The following RGS22 variants were observed in gnomAD, a reference collection of about 807,000 sequenced individuals.
The protein encoded by RGS22 is regulator of G protein signaling 22, also known as regulator of G-protein signaling 22.
RGS22 carries 148 observed loss-of-function variants against 172.9 expected under a neutral mutation model. The observed-to-expected ratio is 0.86, with a 90% CI of 0.75 to 0.98. The LOEUF is 0.98. RGS22 is among the 50% of genes least tolerant of loss of function. RGS22 has a pLI of 0.00. For synonymous variants in RGS22, 458 were observed against 480.2 expected (o/e 0.95, Z 0.60); for missense variants, 1,347 against 1,440.8 (o/e 0.93, Z 1.05).
chr8:100,052,336 C>G (rs1821749249), intron 10 of RGS22, among the ~76,000 whole-genome samples: 1 of 146,910 alleles, frequency 6.8e-6, no homozygotes, highest in African/African-American at 2.5e-5. Flanking sequence ...GAGTCTCGCT[C>G]TGTCCCCCAG....
intron 14 of RGS22, among the ~76,000 whole-genome samples, chr8:100,017,797 T>G (rs1194458329): frequency 6.6e-6 from 1 of 152,178 alleles, no homozygotes; most frequent in African/African-American, 2.4e-5. Context: ...TTAGAAACAT[T>G]GTTTAAATAT....
At chr8:100,019,665 A>G (rs189779135) in intron 14 of RGS22, among the ~76,000 whole-genome samples, 1 of 152,222 alleles carries the variant, frequency 6.6e-6, no homozygotes, top group Admixed American at 6.5e-5. Flanking sequence ...TCCAGAGATT[A>G]GGAGAAAACA....
At chr8:100,081,219 T>C (rs1220574796) in intron 3 of RGS22, among the ~76,000 whole-genome samples, 1 of 152,066 alleles carries the variant, frequency 6.6e-6, no homozygotes, top group African/African-American at 2.4e-5. Context: ...TTCTTCCCCT[T>C]GGATCAGTAA....
chr8:100,029,978 A>C (rs994250563), intron 14 of RGS22, among the ~76,000 whole-genome samples: 1 of 152,214 alleles, frequency 6.6e-6, no homozygotes, highest in African/African-American at 2.4e-5. Context: ...ATGAACTGAA[A>C]AACAGTACAA....
At chr8:100,077,319 T>C (rs759043925) in intron 4 of RGS22, among the ~76,000 whole-genome samples, 9 of 152,196 alleles carry the variant, frequency 5.9e-5, no homozygotes, top group Non-Finnish European at 7.4e-5. Context: ...TAGTTTCTCA[T>C]AGTGACAAGT....
At chr8:100,002,036 T>G (rs1452585344) in intron 18 of RGS22, among the ~76,000 whole-genome samples, 166 bp downstream of exon 18, 1 of 152,204 alleles carries the variant, frequency 6.6e-6, no homozygotes, top group Non-Finnish European at 1.5e-5. Flanking sequence ...TAAAGACATT[T>G]AATTTATAGA....
At chr8:99,965,962 G>T (rs1351198999) in intron 23 of RGS22, among the ~76,000 whole-genome samples, 1 of 152,096 alleles carries the variant, frequency 6.6e-6, no homozygotes. Context: ...CACATAGTAT[G>T]CACTCAAATA....
chr8:100,104,713 T>C (rs1430598492), intron 2 of RGS22, among the ~76,000 whole-genome samples: 1 of 152,152 alleles, frequency 6.6e-6, no homozygotes, highest in Non-Finnish European at 1.5e-5. Flanking sequence ...GAGAAGTAAG[T>C]GCTGGAAGAC....
intron 23 of RGS22, among the ~76,000 whole-genome samples, chr8:99,977,046 C>G (rs1812033000): frequency 6.6e-6 from 1 of 151,930 alleles, no homozygotes; most frequent in African/African-American, 2.4e-5. Flanking sequence ...AGATAGTAGA[C>G]AAATAGGGAG....
chr8:100,012,573 G>A (rs1397848003), intron 14 of RGS22, among the ~76,000 whole-genome samples: 3 of 151,842 alleles, frequency 2.0e-5, no homozygotes, highest in African/African-American at 4.8e-5. Context: ...CAAGAGTGAG[G>A]AGAGAGACAA....
intron 9 of RGS22, among the ~76,000 whole-genome samples, chr8:100,054,035 A>G (rs1821991623): frequency 6.6e-6 from 1 of 152,228 alleles, no homozygotes. Context: ...TAATTTTACA[A>G]CAATTTATAT....
intron 2 of RGS22, among the ~76,000 whole-genome samples, chr8:100,097,538 A>T (rs1229982978): frequency 6.6e-6 from 1 of 152,212 alleles, no homozygotes; most frequent in Non-Finnish European, 1.5e-5. Context: ...TCACTATACA[A>T]TTCTTTTAAT....
chr8:100,090,018 A>G (rs1249549574), intron 3 of RGS22, among the ~76,000 whole-genome samples: 1 of 152,190 alleles, frequency 6.6e-6, no homozygotes, highest in Non-Finnish European at 1.5e-5. Flanking sequence ...TGTTTGGCAC[A>G]TAAGATTATC....
intron 18 of RGS22, among the ~76,000 whole-genome samples, chr8:99,999,786 G>C (rs1416798878): frequency 3.9e-5 from 6 of 152,166 alleles, no homozygotes; most frequent in Non-Finnish European, 7.3e-5. Context: ...AATATCCTAT[G>C]AATCTCTGAT....
chr8:100,061,662 G>A (rs1346341730), intron 9 of RGS22, among the ~76,000 whole-genome samples: 1 of 152,164 alleles, frequency 6.6e-6, no homozygotes, highest in Non-Finnish European at 1.5e-5. Context: ...TGCTGATGAG[G>A]TTGTGGAGAA....
At chr8:100,105,828 A>T in intron 1 of RGS22, 69 bp downstream of exon 1, 1 of 1,378,904 alleles carries the variant, frequency 7.3e-7, no homozygotes, top group African/African-American at 1.5e-5. Context: ...GGTAAAGTCC[A>T]GAGGCTGGCG....
intron 16 of RGS22, among the ~76,000 whole-genome samples, chr8:100,004,879 C>G (rs571952742): frequency 6.6e-6 from 1 of 151,792 alleles, no homozygotes; most frequent in African/African-American, 2.4e-5. Context: ...TTTATGACCT[C>G]TGATGTTTTG....
intron 23 of RGS22, among the ~76,000 whole-genome samples, chr8:99,966,029 T>C (rs560782876): frequency 1.3e-5 from 2 of 152,340 alleles, no homozygotes; most frequent in South Asian, 4.1e-4. Flanking sequence ...ATGAATGATC[T>C]TATGCACTAA....
intron 21 of RGS22, among the ~76,000 whole-genome samples, chr8:99,984,740 G>A (rs570582891): frequency 1.3e-5 from 2 of 151,684 alleles, no homozygotes; most frequent in South Asian, 4.2e-4. Flanking sequence ...CCCTTGGTAG[G>A]TGCCTAATAA....
Sources: gnomAD v4.1 joint callset for allele counts (sites outside exome capture counted in the v4.1 genomes callset) on GRCh38, gnomAD v4.1.1 for gene constraint, MANE v1.5 for transcripts, NCBI Gene and HGNC (gene_info 2026-07-23, HGNC 2026-07-21) for gene names.